TXNDC16: variants seen among roughly 807,000 people sequenced by gnomAD.
TXNDC16 encodes thioredoxin domain containing 16.
Under a neutral mutation model 85.6 loss-of-function variants are expected in TXNDC16, and 74 were observed. The ratio of observed to expected loss-of-function variants is 0.86; its 90% confidence interval spans 0.72 to 1.05. The LOEUF is 1.05. TXNDC16 is among the 50% of genes least tolerant of loss of function. TXNDC16 has a pLI of 0.00. For synonymous variants in TXNDC16, 335 were observed against 326.5 expected (o/e 1.03, Z -0.28); for missense variants, 959 against 947.0 (o/e 1.01, Z -0.17).
At chr14:52,500,251 GT>G (rs1162211192) in intron 9 of TXNDC16, among the ~76,000 whole-genome samples, 1 of 152,160 alleles carries the variant, frequency 6.6e-6, no homozygotes, top group Non-Finnish European at 1.5e-5. Context: ...CGGTATATAC[GT>G]CCAACGGAAT....
At chr14:52,528,003 G>T (rs1393395522) in intron 6 of TXNDC16, among the ~76,000 whole-genome samples, 1 of 151,682 alleles carries the variant, frequency 6.6e-6, no homozygotes, top group Non-Finnish European at 1.5e-5. Flanking sequence ...TACCAAAAAA[G>T]GTACATAATT....
At chr14:52,460,463 T>G (rs1460701700) in intron 16 of TXNDC16, among the ~76,000 whole-genome samples, 1 of 152,176 alleles carries the variant, frequency 6.6e-6, no homozygotes, top group Admixed American at 6.5e-5. Flanking sequence ...AGGTTGAACA[T>G]TATCTTCTGA....
intron 12 of TXNDC16, among the ~76,000 whole-genome samples, chr14:52,486,771 C>G (rs1006696654): frequency 6.6e-6 from 1 of 151,874 alleles, no homozygotes; most frequent in African/African-American, 2.4e-5. Context: ...GAAAAATAAA[C>G]AAAAAAGGCA....
intron 7 of TXNDC16, among the ~76,000 whole-genome samples, chr14:52,518,757 T>C (rs951363961): frequency 6.6e-6 from 1 of 152,070 alleles, no homozygotes; most frequent in South Asian, 2.1e-4. Flanking sequence ...TAAAAAAAAA[T>C]AGCTAACACT....
At chr14:52,537,962 G>T (rs2037741400) in intron 4 of TXNDC16, among the ~76,000 whole-genome samples, 1 of 152,178 alleles carries the variant, frequency 6.6e-6, no homozygotes, top group African/African-American at 2.4e-5. Flanking sequence ...TAGCCAGGAA[G>T]CACAAAAGTG....
At chr14:52,548,177 G>A (rs549612140) in intron 1 of TXNDC16, among the ~76,000 whole-genome samples, 3 of 152,176 alleles carry the variant, frequency 2.0e-5, no homozygotes, top group Admixed American at 6.5e-5. Flanking sequence ...ATTATGTGAC[G>A]GTTACTATGG....
chr14:52,446,792 C>A (rs954703234), intron 18 of TXNDC16, among the ~76,000 whole-genome samples: 3 of 152,112 alleles, frequency 2.0e-5, no homozygotes, highest in Non-Finnish European at 4.4e-5. Context: ...CAGGTCCCAG[C>A]TCTTGGATGA....
At chr14:52,443,454 T>C (rs1468552884) in intron 18 of TXNDC16, among the ~76,000 whole-genome samples, 1 of 152,216 alleles carries the variant, frequency 6.6e-6, no homozygotes, top group Non-Finnish European at 1.5e-5. Flanking sequence ...ACTAATACAG[T>C]AGGGGAGCTC....
chr14:52,502,378 G>C (rs1389465388), intron 9 of TXNDC16, among the ~76,000 whole-genome samples: 1 of 152,122 alleles, frequency 6.6e-6, no homozygotes, highest in East Asian at 1.9e-4. Context: ...GTTAGAGCAG[G>C]GTCACCTGCA....
At chr14:52,440,848 TTA>T (rs2035148530) in intron 18 of TXNDC16, 124 bp from the exon 19 acceptor site, 7 of 845,958 alleles carry the variant, frequency 8.3e-6, no homozygotes, top group Non-Finnish European at 1.2e-5. Flanking sequence ...ACATTTTCAC[TTA>T]AGTAGAGATT....
In TXNDC16 at chr14:52,490,998, ACTTCAG is replaced by A. The variant is rs751667461; in HGVS notation, c.758_763del (p.Thr253_Val255delinsIle). 5.6e-5 allele frequency: 86 copies of A among 1,542,634 alleles called. No individual in the cohort carries two copies. The highest frequency in any genetic ancestry group is 7.0e-5 in the Non-Finnish European group (80 of 1,150,652). On this transcript the variant is annotated inframe_deletion and splice_region_variant, in exon 10 of 21. Coordinates refer to ENST00000281741, the MANE Select transcript of TXNDC16 (RefSeq NM_020784.3). ...TGAAACTTGTTGAGGATCTTCAGCA[ACTTCAG>A]TCTTCATTGAAAAAAAAAAAAAAAA... is the stretch of plus-strand genomic sequence containing the variant.
chr14:52,446,124 G>A (rs1203132801), intron 18 of TXNDC16, among the ~76,000 whole-genome samples: 1 of 152,196 alleles, frequency 6.6e-6, no homozygotes, highest in African/African-American at 2.4e-5. Context: ...AGTACTCACA[G>A]TACCTGGTTT....
chr14:52,519,528 C>A (rs1207112401), intron 6 of TXNDC16, among the ~76,000 whole-genome samples: 11 of 152,192 alleles, frequency 7.2e-5, no homozygotes, highest in Non-Finnish European at 1.5e-4. Flanking sequence ...TGTATTACAA[C>A]GGTCTCAACA....
Position 52,482,926 on chromosome 14 carries a change from T to C in TXNDC16, c.1148A>G (p.Asp383Gly), listed in dbSNP as rs1386182065. The change falls in exon 13 of 21, where the codon GAT becomes GGT. Residue 383 changes from aspartate (D) to glycine (G), a missense_variant. Physicochemically the swap from Asp to Gly is moderately conservative, Grantham distance 94. Coordinates refer to ENST00000281741, the MANE Select transcript of TXNDC16 (RefSeq NM_020784.3). ...TTCCAAAGGTAATTTTCTCTTCCTA[T>C]CTCTGAAAACAGTTTCTGCCACTTC... The part of the protein sequence containing the change: ...DDEVAETVFR[D>G]RKRKLPLELT... The C allele has an allele frequency of 6.2e-7, 1 of 1,611,110 alleles. No homozygotes were observed. Among genetic ancestry groups the C allele is most frequent in the Non-Finnish European group, 8.5e-7 (1 of 1,179,336 alleles).
At chr14:52,460,817 G>A (rs1412346306) in intron 16 of TXNDC16, among the ~76,000 whole-genome samples, 1 of 152,138 alleles carries the variant, frequency 6.6e-6, no homozygotes, top group Non-Finnish European at 1.5e-5. Context: ...AAACGTGAAT[G>A]AAAGTGTTTT....
intron 1 of TXNDC16, among the ~76,000 whole-genome samples, chr14:52,546,070 G>A (rs959007499): frequency 2.0e-5 from 3 of 152,034 alleles, no homozygotes; most frequent in Admixed American, 2.0e-4. Flanking sequence ...AAGATCACTT[G>A]AGCCTAGGAG....
intron 18 of TXNDC16, among the ~76,000 whole-genome samples, chr14:52,441,381 G>A (rs1314204183): frequency 6.6e-6 from 1 of 152,064 alleles, no homozygotes; most frequent in Non-Finnish European, 1.5e-5. Context: ...GGCCGACGCA[G>A]GCAGATCGCC....
At chr14:52,462,183 C>T (rs1291924154) in intron 16 of TXNDC16, among the ~76,000 whole-genome samples, 1 of 151,940 alleles carries the variant, frequency 6.6e-6, no homozygotes, top group African/African-American at 2.4e-5. Context: ...AATGGTTTCT[C>T]TTTTATTTTT....
At position 52,536,446 on chromosome 14, in the gene TXNDC16, A is replaced by G. The variant is rs367838150; in HGVS notation, c.392+273T>C. Among the ~76,000 whole-genome samples, 18 of 152,318 alleles carry G rather than the reference A, an allele frequency of 1.2e-4. No homozygotes were observed. In the East Asian group the frequency reaches 1.7e-3, roughly 15 times the overall value. ...CCTGAACAGACTAAGATACCTGGCA[A>G]AATCCTCACTCCTCCAGTTAGACCT... On this transcript the variant is annotated intron_variant, in intron 6 of 20. Coordinates refer to ENST00000281741, the MANE Select transcript of TXNDC16 (RefSeq NM_020784.3).
Sources: allele counts gnomAD v4.1 joint callset (sites outside exome capture counted in the v4.1 genomes callset), GRCh38; gene constraint gnomAD v4.1.1; transcripts MANE v1.5; gene names NCBI Gene and HGNC (gene_info 2026-07-23, HGNC 2026-07-21).